CDH2: variants seen among roughly 807,000 people sequenced by gnomAD.
CDH2 encodes cadherin-2.
In CDH2, 17 loss-of-function variants were observed where a neutral mutation model predicts 92.0. That is an observed-to-expected ratio of 0.18 (90% CI 0.13 to 0.28). The LOEUF (loss-of-function observed/expected upper bound fraction) is 0.28, where lower values mean the gene tolerates loss of function less well. CDH2 is among the 10% of genes least tolerant of loss of function. The pLI is 1.00. For missense variants in CDH2, 862 were observed against 1,133.1 expected, an observed-to-expected ratio of 0.76 and a Z score of 3.44; for synonymous variants, 419 against 415.9, an observed-to-expected ratio of 1.01 and a Z score of -0.09.
intron 2 of CDH2, among the ~76,000 whole-genome samples, chr18:28,054,182 G>A (rs2014247385): frequency 6.6e-6 from 1 of 152,146 alleles, no homozygotes; most frequent in African/African-American, 2.4e-5. Context: ...GGAATCCTGG[G>A]ATCATCTGGA....
rs1020098104 is a variant in CDH2 at position 27,965,762 on chromosome 18, A to T, written c.2350-2241T>A. ...CACTTTGGGAGGCCAAGGCGGGTAG[A>T]TCATAAGGTCAGGAGTTCAAGACCA... On this transcript the variant is annotated intron_variant, in intron 14 of 15. Coordinates refer to ENST00000269141, the MANE Select transcript of CDH2 (RefSeq NM_001792.5). Among the ~76,000 whole-genome samples the T allele has an allele frequency of 5.9e-5, 9 of 152,068 alleles. 1 individual carries two copies. Among genetic ancestry groups the T allele is most frequent in the Admixed American group, 2.6e-4 (4 of 15,250 alleles).
At chr18:28,043,850 T>C (rs2014011667) in intron 2 of CDH2, among the ~76,000 whole-genome samples, 1 of 146,860 alleles carries the variant, frequency 6.8e-6, no homozygotes. Context: ...ATCCTCAGGC[T>C]GGGCCACTCA....
intron 2 of CDH2, among the ~76,000 whole-genome samples, chr18:28,039,036 C>T (rs11564412): frequency 0.17 from 25,481 of 152,032 alleles, 2,416 homozygotes; most frequent in East Asian, 0.29. Context: ...TTGAAGGATC[C>T]ACATCTCATC....
chr18:28,095,878 G>T (rs1446176120), intron 2 of CDH2, among the ~76,000 whole-genome samples: 2 of 150,378 alleles, frequency 1.3e-5, no homozygotes, highest in Non-Finnish European at 3.0e-5. Context: ...AATGGAAATG[G>T]AGAATACATA....
intron 13 of CDH2, among the ~76,000 whole-genome samples, chr18:27,984,283 A>G (rs937883028): frequency 9.9e-5 from 15 of 152,232 alleles, no homozygotes; most frequent in African/African-American, 3.6e-4. Context: ...TCCTGCTGCT[A>G]TTCACAATAA....
intron 1 of CDH2, among the ~76,000 whole-genome samples, chr18:28,152,598 C>T (rs569749831): frequency 6.6e-6 from 1 of 152,212 alleles, no homozygotes; most frequent in East Asian, 1.9e-4. Context: ...AGTTCAGTGT[C>T]GCCGGAGTCC....
At chr18:28,006,930 G>A (rs888834661) in intron 5 of CDH2, among the ~76,000 whole-genome samples, 2 of 151,122 alleles carry the variant, frequency 1.3e-5, no homozygotes, top group Non-Finnish European at 2.9e-5. Flanking sequence ...TCAGAACTTT[G>A]GGAGGCTGAA....
intron 13 of CDH2, among the ~76,000 whole-genome samples, chr18:27,983,354 C>T (rs543917600): frequency 6.6e-6 from 1 of 152,278 alleles, no homozygotes; most frequent in Admixed American, 6.5e-5. Flanking sequence ...CTCAGTTTTA[C>T]CATCCATATA....
intron 2 of CDH2, among the ~76,000 whole-genome samples, chr18:28,090,513 C>G (rs1004242717): frequency 1.3e-5 from 2 of 152,116 alleles, no homozygotes; most frequent in African/African-American, 4.8e-5. Context: ...CTTCTTCCCC[C>G]CAGGCAGCGT....
At chr18:28,146,810 A>G (rs1233660198) in intron 2 of CDH2, 1 of 152,102 alleles carries the variant, frequency 6.6e-6, no homozygotes, top group African/African-American at 2.4e-5. Flanking sequence ...CAGCTCTCTA[A>G]AACAGCCTCA....
Position 28,020,416 on chromosome 18 carries a change from G to A in CDH2, c.173-6507C>T, listed in dbSNP as rs186227395. On this transcript the variant is annotated intron_variant, in intron 2 of 15. Coordinates refer to ENST00000269141, the MANE Select transcript of CDH2 (RefSeq NM_001792.5). ...AAGGGAGAAGATATACATGGGACGT[G>A]CTTTATTTAAATTAGCTTCAAAAAT... Among the ~76,000 whole-genome samples, 112 of 152,008 alleles carry A rather than the reference G, an allele frequency of 7.4e-4. 2 individuals carry two copies. Among genetic ancestry groups the A allele is most frequent in the African/African-American group, 2.5e-3 (102 of 41,516 alleles).
chr18:28,005,605 T>C (rs2012892255), intron 6 of CDH2, among the ~76,000 whole-genome samples: 1 of 152,158 alleles, frequency 6.6e-6, no homozygotes, highest in South Asian at 2.1e-4. Flanking sequence ...AATCAAATAC[T>C]GTAGTGCATA....
At position 27,951,393 on chromosome 18, in the gene CDH2, CAT is replaced by C. The variant is rs1909440119; in HGVS notation, c.*758_*759del. 1 of 152,412 alleles carries C rather than the reference CAT, an allele frequency of 6.6e-6. No homozygotes were observed. Among genetic ancestry groups the C allele is most frequent in the Admixed American group, 6.6e-5 (1 of 15,236 alleles). The allele number at this position is 152,412 out of a possible 1,614,324, so 9.4% of individuals were successfully genotyped here. On this transcript the variant is annotated 3_prime_UTR_variant, in exon 16 of 16. Transcript: ENST00000269141. The stretch of plus-strand genomic sequence containing the variant: ...ATCCATAGTCCAAATAATACATACA[CAT>C]GTTCTGAAGTTTCTGCACTTCTCCA...
chr18:28,139,570 T>C (rs1390278591), intron 2 of CDH2, among the ~76,000 whole-genome samples: 1 of 152,002 alleles, frequency 6.6e-6, no homozygotes, highest in Non-Finnish European at 1.5e-5. Flanking sequence ...TGGTGACTTC[T>C]CAGTCCTCAT....
At chr18:27,943,848 C>T (rs1229915953) in intron 6 of CDH2, among the ~76,000 whole-genome samples, 1 of 152,122 alleles carries the variant, frequency 6.6e-6, no homozygotes, top group Non-Finnish European at 1.5e-5. Flanking sequence ...AGAGATGAGG[C>T]TTTGATTTAG....
At chr18:28,009,259 A>G (rs2013028066) in intron 5 of CDH2, among the ~76,000 whole-genome samples, 1 of 152,224 alleles carries the variant, frequency 6.6e-6, no homozygotes, top group Non-Finnish European at 1.5e-5. Flanking sequence ...TAACATTCCT[A>G]ATTAGACAAA....
chr18:28,041,840 T>C (rs2013953745), intron 2 of CDH2, among the ~76,000 whole-genome samples: 1 of 152,202 alleles, frequency 6.6e-6, no homozygotes, highest in South Asian at 2.1e-4. Context: ...AACATAAACA[T>C]GTAAAAGTAT....
At chr18:28,072,307 C>A (rs1415967191) in intron 2 of CDH2, among the ~76,000 whole-genome samples, 1 of 152,150 alleles carries the variant, frequency 6.6e-6, no homozygotes, top group Non-Finnish European at 1.5e-5. Context: ...ATGTGACCGC[C>A]ATACCACATG....
downstream of CDH2, among the ~76,000 whole-genome samples, chr18:27,947,347 T>G (rs1297128129): frequency 6.6e-6 from 1 of 151,800 alleles, no homozygotes; most frequent in Non-Finnish European, 1.5e-5. Context: ...TGAAATTCCA[T>G]GAAAGTATAT....
Sources: gnomAD v4.1 joint callset for allele counts (sites outside exome capture counted in the v4.1 genomes callset) on GRCh38, gnomAD v4.1.1 for gene constraint, MANE v1.5 for transcripts, NCBI Gene and HGNC (gene_info 2026-07-23, HGNC 2026-07-21) for gene names.